RBFOX1: variants seen among roughly 807,000 people sequenced by gnomAD.
The protein encoded by RBFOX1 is RNA binding protein fox-1 homolog 1.
A neutral mutation model predicts 57.7 loss-of-function variants in RBFOX1; 8 were observed. That is an observed-to-expected ratio of 0.14 (90% CI 0.08 to 0.25). RBFOX1 has a LOEUF of 0.25. RBFOX1 is among the 10% of genes least tolerant of loss of function. The pLI is 1.00. For missense variants in RBFOX1, 611 were observed against 548.5 expected (o/e 1.11, Z -1.14); for synonymous variants, 326 against 222.4 (o/e 1.47, Z -4.15).
chr16:7,117,785 C>T (rs2066237300), intron 4 of RBFOX1, among the ~76,000 whole-genome samples: 1 of 152,094 alleles, frequency 6.6e-6, no homozygotes, highest in Non-Finnish European at 1.5e-5. Context: ...AGGGTATCAG[C>T]CAGGACTGGG....
chr16:6,892,850 GC>G (rs1178625064), intron 3 of RBFOX1, among the ~76,000 whole-genome samples: 2 of 137,244 alleles, frequency 1.5e-5, no homozygotes, highest in East Asian at 4.3e-4. Flanking sequence ...GGTGTTCTGT[GC>G]CCCCCTCCCC....
chr16:5,410,371 C>CA (rs34771883), intron 1 of RBFOX1, among the ~76,000 whole-genome samples: 87 of 145,610 alleles, frequency 6.0e-4, no homozygotes, highest in Admixed American at 2.6e-3. Flanking sequence ...GACCCTGTCT[C>CA]AAAAAAAAAA....
chr16:7,636,345 C>T (rs769118003), intron 11 of RBFOX1, among the ~76,000 whole-genome samples: 9 of 152,248 alleles, frequency 5.9e-5, no homozygotes, highest in South Asian at 2.1e-4. Flanking sequence ...TAATGATCAC[C>T]GTCTTTCACA....
chr16:6,116,439 A>G (rs1232267364), intron 1 of RBFOX1, among the ~76,000 whole-genome samples: 1 of 152,196 alleles, frequency 6.6e-6, no homozygotes, highest in East Asian at 1.9e-4. Context: ...AAAAGCTGTT[A>G]ATCAAAGTTT....
intron 3 of RBFOX1, among the ~76,000 whole-genome samples, chr16:6,747,445 A>AGTCAGTCTGTCT (rs1555766674): frequency 1.1e-4 from 9 of 83,176 alleles, no homozygotes; most frequent in African/African-American, 3.2e-4. Flanking sequence ...TCAGTCAGTT[A>AGTCAGTCTGTCT]GTCTGTCTGT....
intron 2 of RBFOX1, among the ~76,000 whole-genome samples, chr16:6,411,705 TGCTCTCA>T (rs1342816168): frequency 7.2e-5 from 11 of 152,254 alleles, no homozygotes; most frequent in African/African-American, 2.7e-4. Context: ...ACCTACTGCA[TGCTCTCA>T]GCTTTTATTA....
chr16:5,532,322 G>A (rs951038053), intron 2 of RBFOX1, among the ~76,000 whole-genome samples: 6 of 152,188 alleles, frequency 3.9e-5, no homozygotes, highest in Non-Finnish European at 8.8e-5. Context: ...GCCATCACTT[G>A]AGAACCATTG....
At chr16:7,635,577 G>A (rs1316667293) in intron 11 of RBFOX1, among the ~76,000 whole-genome samples, 1 of 152,038 alleles carries the variant, frequency 6.6e-6, no homozygotes, top group Non-Finnish European at 1.5e-5. Flanking sequence ...GGTGGGGGCG[G>A]GGGACGGTGT....
At chr16:6,718,236 T>C (rs1441186944) in intron 3 of RBFOX1, among the ~76,000 whole-genome samples, 1 of 152,192 alleles carries the variant, frequency 6.6e-6, no homozygotes, top group Non-Finnish European at 1.5e-5. Flanking sequence ...TATATATTGG[T>C]CTTTTCCATA....
At chr16:5,338,096 C>G (rs1477727927) in intron 1 of RBFOX1, among the ~76,000 whole-genome samples, 2 of 152,206 alleles carry the variant, frequency 1.3e-5, no homozygotes, top group Admixed American at 6.5e-5. Context: ...AGAGGGTGAT[C>G]CCAGGCAGAG....
intron 4 of RBFOX1, among the ~76,000 whole-genome samples, chr16:5,933,853 C>T (rs578127717): frequency 3.3e-5 from 5 of 151,428 alleles, no homozygotes; most frequent in South Asian, 2.1e-4. Flanking sequence ...TAGGTAAACT[C>T]GAGTGATGGG....
At chr16:7,580,292 C>T (rs1367198529) in intron 6 of RBFOX1, among the ~76,000 whole-genome samples, 1 of 152,150 alleles carries the variant, frequency 6.6e-6, no homozygotes. Flanking sequence ...GTTTTGCTTT[C>T]TTTTACAGTT....
At chr16:6,691,160 T>C (rs2060150625) in intron 3 of RBFOX1, among the ~76,000 whole-genome samples, 1 of 152,134 alleles carries the variant, frequency 6.6e-6, no homozygotes, top group African/African-American at 2.4e-5. Flanking sequence ...CCATGTCTTT[T>C]GTATCAAAAA....
intron 4 of RBFOX1, among the ~76,000 whole-genome samples, chr16:7,316,613 G>A (rs927520166): frequency 6.6e-6 from 1 of 152,152 alleles, no homozygotes; most frequent in African/African-American, 2.4e-5. Context: ...ATGAGCAAGT[G>A]ATCATCACAT....
chr16:6,337,729 C>G (rs2083967152), intron 2 of RBFOX1, among the ~76,000 whole-genome samples: 1 of 151,998 alleles, frequency 6.6e-6, no homozygotes, highest in Non-Finnish European at 1.5e-5. Flanking sequence ...ATAAGACCAT[C>G]TCTGTAAAAA....
At chr16:6,156,274 C>T (rs1360078275) in intron 1 of RBFOX1, among the ~76,000 whole-genome samples, 1 of 152,232 alleles carries the variant, frequency 6.6e-6, no homozygotes, top group Non-Finnish European at 1.5e-5. Context: ...ACCTCTCCTG[C>T]TTCCCCCACA....
intron 4 of RBFOX1, among the ~76,000 whole-genome samples, chr16:7,454,981 CA>C: frequency 6.6e-6 from 1 of 152,306 alleles, no homozygotes; most frequent in Non-Finnish European, 1.5e-5. Flanking sequence ...TAATAAAGCC[CA>C]TTTTTTATGA....
intron 2 of RBFOX1, among the ~76,000 whole-genome samples, chr16:6,601,747 A>G (rs1185493684): frequency 6.6e-6 from 1 of 152,030 alleles, no homozygotes; most frequent in East Asian, 1.9e-4. Context: ...GTCAAGAGCA[A>G]GGAAGGAGAA....
At chr16:6,307,509 A>T (rs2079658519) in intron 1 of RBFOX1, among the ~76,000 whole-genome samples, 1 of 149,456 alleles carries the variant, frequency 6.7e-6, no homozygotes, top group African/African-American at 2.4e-5. Context: ...TACATATGTA[A>T]ATAATAGTCA....
Sources: allele counts gnomAD v4.1 joint callset (sites outside exome capture counted in the v4.1 genomes callset), GRCh38; gene constraint gnomAD v4.1.1; transcripts MANE v1.5; gene names NCBI Gene and HGNC (gene_info 2026-07-23, HGNC 2026-07-21).